The following APLP1 variants were observed in gnomAD, a reference collection of about 807,000 sequenced individuals.
APLP1 encodes amyloid beta precursor like protein 1.
Under a neutral mutation model 84.5 loss-of-function variants are expected in APLP1, and 46 were observed. That is an observed-to-expected ratio of 0.54 (90% CI 0.43 to 0.70). The LOEUF (loss-of-function observed/expected upper bound fraction) is 0.70. APLP1 is among the 30% of genes least tolerant of loss of function. The pLI, the probability that APLP1 is intolerant of heterozygous loss-of-function variation, is 0.00. For missense variants in APLP1, 826 were observed against 900.2 expected (o/e 0.92, Z 1.05); for synonymous variants, 376 against 364.0 (o/e 1.03, Z -0.38).
At chr19:35,870,832 A>T (rs1974123672) in intron 2 of APLP1, 64 bp from the exon 3 acceptor site, 2 of 1,548,924 alleles carry the variant, frequency 1.3e-6, no homozygotes, top group East Asian at 4.6e-5. Context: ...GGACCTGACT[A>T]CTGGAGAGGG....
Position 35,874,524 on chromosome 19 carries a change from G to A in APLP1, c.1077G>A (p.Gln359=), listed in dbSNP as rs1568476163. 1 of 1,614,214 alleles carries A rather than the reference G, an allele frequency of 6.2e-7. No homozygotes were observed. The highest frequency in any genetic ancestry group is 1.3e-5 in the African/African-American group (1 of 75,070). The change falls in exon 9 of 17, where the codon CAG becomes CAA. Residue 359 remains glutamine, a synonymous_variant. Coordinates refer to ENST00000221891, the MANE Select transcript of APLP1 (RefSeq NM_001024807.3). The surrounding 1 kb of genome is among the most constrained non-coding windows in gnomAD (Gnocchi z 6.4). ...CCCAGCACTTCCAGTCCATTCTGCA[G>A]ACTCTGGAGGAGCAGGTGTCTGGTG... ...ALNEHFQSIL[Q]TLEEQVSGER...
At position 35,874,459 on chromosome 19, in the gene APLP1, G is replaced by A. The variant is rs888148930; in HGVS notation, c.1057-45G>A. 6.2e-7 allele frequency: 1 copy of A among 1,608,032 alleles called. No individual in the cohort carries two copies. ...TCCAGGCTCTCTTTGACCAGGCTTT[G>A]ACCCATCTTCTCCTCTCCTGACCCT... On this transcript the variant is annotated intron_variant, in intron 8 of 16. Coordinates refer to ENST00000221891, the MANE Select transcript of APLP1 (RefSeq NM_001024807.3). This position sits in a 1 kb window ranked among gnomAD's most constrained non-coding sequence, Gnocchi z 6.4.
chr19:35,875,605 G>A (rs1974265462), intron 10 of APLP1, among the ~76,000 whole-genome samples: 1 of 152,174 alleles, frequency 6.6e-6, no homozygotes. Context: ...ACAGGTGTGA[G>A]CCACCACGCC....
At chr19:35,872,066 C>T in intron 6 of APLP1, 30 bp downstream of exon 6, 1 of 1,603,356 alleles carries the variant, frequency 6.2e-7, no homozygotes, top group South Asian at 1.1e-5. Context: ...CCTGGGGCCT[C>T]TCCACCATAG....
At position 35,872,016 on chromosome 19, in the gene APLP1, C is replaced by T. The variant is rs1454150335; in HGVS notation, c.830C>T (p.Thr277Ile). ...EETVPPPSSH[T>I]LAVVGKVTPT... Reference sequence around the variant, plus strand: ...ACGGTCCCACCCCCAAGCTCCCATACACTTGCAGTGGTCGGCAAAGGTGAG... The same window carrying T: ...ACGGTCCCACCCCCAAGCTCCCATATACTTGCAGTGGTCGGCAAAGGTGAG... The change falls in exon 6 of 17, where the codon ACA (threonine) becomes ATA (isoleucine). Residue 277 changes from threonine to isoleucine, a missense_variant. Physicochemically the swap from Thr to Ile is moderately conservative, Grantham distance 89. Around this residue, in one of 3 missense-constraint regions of APLP1, gnomAD observed 383 missense variants for 378.3 expected, o/e 1.01. Transcript: ENST00000221891. The T allele has an allele frequency of 3.1e-6, 5 of 1,613,836 alleles. No individual in the cohort carries two copies. Among genetic ancestry groups the T allele is most frequent in the East Asian group, 2.2e-5 (1 of 44,878 alleles).
In APLP1 at chr19:35,871,629, C is replaced by A. The variant is rs555277005; in HGVS notation, c.555C>A (p.Gly185=). The change falls in exon 5 of 17, where the codon GGC becomes GGA. Residue 185 remains glycine (G), a synonymous_variant. Transcript: ENST00000221891. ...QEAQEACSSQ[G]LILHGSGMLL... is the part of the protein sequence containing the mutation. Reference sequence around the variant, plus strand: ...TCCTACAGGCCTGCAGCTCCCAGGGCCTCATCCTGCACGGCTCGGGCATGC... The same window carrying A: ...TCCTACAGGCCTGCAGCTCCCAGGGACTCATCCTGCACGGCTCGGGCATGC... The A allele has an allele frequency of 2.5e-6, 4 of 1,613,950 alleles. No homozygotes were observed. Among genetic ancestry groups the A allele is most frequent in the Non-Finnish European group, 3.4e-6 (4 of 1,180,026 alleles).
At chr19:35,875,088 T>C (rs1435730179) in intron 10 of APLP1, among the ~76,000 whole-genome samples, 2 of 151,852 alleles carry the variant, frequency 1.3e-5, no homozygotes, top group Non-Finnish European at 2.9e-5. Context: ...TCTTGGCCCT[T>C]GGATTCCTAC....
chr19:35,877,851 C>T (rs1428960185), intron 12 of APLP1, 26 bp downstream of exon 12: 1 of 1,576,162 alleles, frequency 6.3e-7, no homozygotes, highest in African/African-American at 1.4e-5. Context: ...TATAGATGAC[C>T]CCAGACATTA....
At chr19:35,869,620 A>C (rs1974089045) in intron 1 of APLP1, 47 bp from the exon 2 acceptor site, 1 of 1,604,892 alleles carries the variant, frequency 6.2e-7, no homozygotes, top group Admixed American at 1.7e-5. Context: ...GGGGACCCTC[A>C]TGCCAACGCC....
chr19:35,870,375 A>G (rs1393198815), intron 2 of APLP1: 1 of 169,466 alleles, frequency 5.9e-6, no homozygotes, highest in Non-Finnish European at 1.3e-5. Flanking sequence ...GGGACTTTTA[A>G]GGGAAAACTG....
rs147667410 is a variant in APLP1 at position 35,871,722 on chromosome 19, C to T, written c.648C>T (p.Pro216=). 7.2e-5 allele frequency: 117 copies of T among 1,614,104 alleles called. 1 individual carries two copies. The African/African-American group carries it at 1.4e-3, about 19-fold the overall frequency. Reference sequence around the variant, plus strand: ...TGTGCTGTCCCCCTCCAGGGACCCCCGACCCATCTGGGACAGCAGTTGGGT... The same window carrying T: ...TGTGCTGTCCCCCTCCAGGGACCCCTGACCCATCTGGGACAGCAGTTGGGT... The part of the protein sequence containing the change: ...EYVCCPPPGT[P]DPSGTAVGDP... The change falls in exon 5 of 17, where the codon CCC becomes CCT. Residue 216 remains proline (P), a synonymous_variant. Coordinates refer to ENST00000221891, the MANE Select transcript of APLP1 (RefSeq NM_001024807.3).
At chr19:35,869,246 G>A in intron 1 of APLP1, 1 of 473,438 alleles carries the variant, frequency 2.1e-6, no homozygotes, top group Non-Finnish European at 3.7e-6. Flanking sequence ...AGGACCTGGT[G>A]TCCAGGACTG....
chr19:35,868,731 G>A lies in APLP1; in HGVS notation c.95G>A (p.Arg32His). 7.2e-7 allele frequency: 1 copy of A among 1,393,828 alleles called. No individual in the cohort carries two copies. The highest frequency in any genetic ancestry group is 3.3e-5 in the Admixed American group (1 of 30,396). The allele number at this position is 1,393,828 out of a possible 1,614,324, so 86.3% of individuals were successfully genotyped here. The change falls in exon 1 of 17, where the codon CGC becomes CAC. Residue 32 changes from arginine (R) to histidine (H), a missense_variant. By Grantham distance (29) the Arg-to-His change is conservative. Transcript: ENST00000221891. The surrounding 1 kb of genome is among the most constrained non-coding windows in gnomAD (Gnocchi z 5.2). ...LLLPLLLLLLRAQPAIGSLAG... is the reference protein window; with the variant it reads ...LLLPLLLLLLHAQPAIGSLAG... ...CTGCCACTATTGCTGCTGCTTCTGC[G>A]CGCGCAGCCCGCCATCGGGAGCCTG...
In APLP1 at chr19:35,868,591, G is replaced by A. The variant is rs1974045265; in HGVS notation, c.-46G>A. On this transcript the variant is annotated 5_prime_UTR_variant, in exon 1 of 17. Transcript: ENST00000221891. This position sits in a 1 kb window ranked among gnomAD's most constrained non-coding sequence, Gnocchi z 5.2. ...GGGAGCTCCTGTCACCGCTGGGGCC[G>A]GGCCGGGCGGGAGTGCAGGGGACGT... 8.1e-7 allele frequency: 1 copy of A among 1,227,026 alleles called. No individual in the cohort carries two copies. 76.0% of individuals were successfully genotyped at this position (1,227,026 alleles called of 1,614,324 possible).
rs1021493722 is a variant in APLP1 at position 35,870,093 on chromosome 19, CAGAA to C, written c.291+287_291+290del. The C allele has an allele frequency of 3.4e-4, 164 of 475,666 alleles. 1 individual carries two copies. The highest frequency in any genetic ancestry group is 2.3e-3 in the African/African-American group (110 of 48,462). 29.5% of individuals were successfully genotyped at this position (475,666 alleles called of 1,614,324 possible). On this transcript the variant is annotated intron_variant, in intron 2 of 16. Transcript: ENST00000221891. ...GGCGAAAGGATAGGCGGGGCTAAGA[CAGAA>C]AGAGACCTTAAGGACCAGCAAGATG...
At chr19:35,872,695 C>G in intron 7 of APLP1, 82 bp downstream of exon 7, 7 of 1,487,262 alleles carry the variant, frequency 4.7e-6, no homozygotes, top group Non-Finnish European at 6.3e-6. Context: ...CACATTGATA[C>G]TACCTCCAAA....
In APLP1 at chr19:35,874,663, G is replaced by T. The variant is rs1974237148; in HGVS notation, c.1215+1G>T. 1.9e-6 allele frequency: 3 copies of T among 1,613,420 alleles called. No individual in the cohort carries two copies. Reference sequence around the variant, plus strand: ...AGCCCTGCAGGCAGATCCGCCTCAGGTGCGGGGACCGTGGGGGCAGAGAGC... The same window carrying T: ...AGCCCTGCAGGCAGATCCGCCTCAGTTGCGGGGACCGTGGGGGCAGAGAGC... On this transcript the variant is annotated splice_donor_variant, in intron 9 of 16. Coordinates refer to ENST00000221891, the MANE Select transcript of APLP1 (RefSeq NM_001024807.3). LOFTEE classifies it high-confidence loss of function. This position sits in a 1 kb window ranked among gnomAD's most constrained non-coding sequence, Gnocchi z 6.4.
chr19:35,869,901 T>A (rs1411581780), intron 2 of APLP1, 91 bp downstream of exon 2: 6 of 1,481,894 alleles, frequency 4.0e-6, no homozygotes, highest in South Asian at 1.2e-5. Flanking sequence ...ATCTAAGGCG[T>A]GGAGGCTGGG....
rs771566872 is a variant in APLP1, at chr19:35,871,945, AGAT to A, written c.763_765del (p.Asp255del). On this transcript the variant is annotated inframe_deletion, in exon 6 of 17. Coordinates refer to ENST00000221891, the MANE Select transcript of APLP1 (RefSeq NM_001024807.3). The stretch of plus-strand genomic sequence containing the variant: ...AGGAGGAATCCTTCCCACAGCCAGT[AGAT>A]GATTACTTCGTGGAGCCTCCGCAGG... 5.6e-6 allele frequency: 9 copies of A among 1,614,072 alleles called. No individual in the cohort carries two copies. The South Asian group carries it at 8.8e-5, about 16-fold the overall frequency.
Sources: allele counts gnomAD v4.1 joint callset (sites outside exome capture counted in the v4.1 genomes callset), GRCh38; gene constraint gnomAD v4.1.1; regional missense constraint gnomAD v4.1.1; non-coding constraint Gnocchi (gnomAD v3.1); transcripts MANE v1.5; gene names NCBI Gene and HGNC (gene_info 2026-07-23, HGNC 2026-07-21).